The following NARS2 variants were observed in gnomAD, a reference collection of about 807,000 sequenced individuals.
NARS2 encodes the protein asparaginyl-tRNA synthetase.
A neutral mutation model predicts 62.9 loss-of-function variants in NARS2; 60 were observed. The ratio of observed to expected loss-of-function variants is 0.95; its 90% confidence interval spans 0.77 to 1.18. The LOEUF is 1.18. NARS2 is among the 50% of genes most tolerant of loss of function. The pLI, the probability that NARS2 is intolerant of heterozygous loss-of-function variation, is 0.00. For missense variants in NARS2, 619 were observed against 576.4 expected (o/e 1.07, Z -0.76); for synonymous variants, 196 against 200.0 (o/e 0.98, Z 0.17).
intron 6 of NARS2, among the ~76,000 whole-genome samples, chr11:78,517,546 ATT>A (rs2135402518): frequency 6.6e-6 from 1 of 152,064 alleles, no homozygotes; most frequent in African/African-American, 2.4e-5. Context: ...ATGTTCAACC[ATT>A]TTTTCCATTA....
chr11:78,505,231 G>A (rs1860441678), intron 6 of NARS2, among the ~76,000 whole-genome samples: 1 of 148,594 alleles, frequency 6.7e-6, no homozygotes, highest in Non-Finnish European at 1.5e-5. Context: ...ACCAGCCTGG[G>A]CAACATAATG....
chr11:78,514,750 G>T (rs543853464), intron 6 of NARS2, among the ~76,000 whole-genome samples: 1 of 152,290 alleles, frequency 6.6e-6, no homozygotes, highest in South Asian at 2.1e-4. Context: ...CTAGAAACGG[G>T]TAGAGAATCC....
At chr11:78,443,985 T>TTTTC (rs1403694844) in intron 11 of NARS2, 1 of 293,780 alleles carries the variant, frequency 3.4e-6, no homozygotes, top group African/African-American at 2.1e-5. Flanking sequence ...GAAATGTTAA[T>TTTTC]TATAAAAATG....
chr11:78,503,998 G>A (rs942757695), intron 6 of NARS2, among the ~76,000 whole-genome samples: 1 of 152,110 alleles, frequency 6.6e-6, no homozygotes, highest in Admixed American at 6.5e-5. Context: ...TATTTGAACC[G>A]TTATCTCCAA....
At position 78,493,045 on chromosome 11, in the gene NARS2, T is replaced by A. The variant is rs778049523; in HGVS notation, c.822+18A>T. ...TTAATGTCACAGATACCTGGTATTT[T>A]AAAACTTGTGTACCTACCTGCATAA... On this transcript the variant is annotated intron_variant, in intron 7 of 13. Coordinates refer to ENST00000281038, the MANE Select transcript of NARS2 (RefSeq NM_024678.6). 3 of 1,585,056 alleles carry A rather than the reference T, an allele frequency of 1.9e-6. No individual in the cohort carries two copies. Among genetic ancestry groups the A allele is most frequent in the Middle Eastern group, 1.7e-4 (1 of 5,968 alleles).
chr11:78,471,530 CTTT>C (rs931115290), intron 9 of NARS2, among the ~76,000 whole-genome samples: 3 of 147,964 alleles, frequency 2.0e-5, no homozygotes, highest in African/African-American at 7.4e-5. Flanking sequence ...CTTTTTTTTT[CTTT>C]TTTTTCTTTT....
intron 6 of NARS2, among the ~76,000 whole-genome samples, chr11:78,523,448 A>G (rs1163602782): frequency 6.6e-6 from 1 of 152,224 alleles, no homozygotes; most frequent in East Asian, 1.9e-4. Flanking sequence ...TGCATGACCC[A>G]TTAATTTCGC....
chr11:78,458,293 TAGAAAGTAGGAAG>T (rs2135185938), intron 11 of NARS2, among the ~76,000 whole-genome samples: 1 of 152,318 alleles, frequency 6.6e-6, no homozygotes, highest in East Asian at 1.9e-4. Context: ...TATTAAAATT[TAGAAAGTAGGAAG>T]AGACAACTTC....
intron 11 of NARS2, among the ~76,000 whole-genome samples, chr11:78,446,709 T>G (rs1055757068): frequency 6.6e-6 from 1 of 152,036 alleles, no homozygotes; most frequent in Non-Finnish European, 1.5e-5. Flanking sequence ...GATTAAAGAT[T>G]TAAATATAAG....
intron 5 of NARS2, among the ~76,000 whole-genome samples, chr11:78,545,016 A>T (rs1855802135): frequency 6.6e-6 from 1 of 152,096 alleles, no homozygotes; most frequent in Admixed American, 6.5e-5. Context: ...CACCTGTTTA[A>T]GTCCTAATTT....
intron 5 of NARS2, among the ~76,000 whole-genome samples, chr11:78,544,512 G>A (rs1011877631): frequency 6.6e-6 from 1 of 152,174 alleles, no homozygotes; most frequent in East Asian, 1.9e-4. Context: ...ATGAGTTACC[G>A]GCTGAGCGCA....
chr11:78,493,984 A>G (rs1731789693), intron 6 of NARS2, among the ~76,000 whole-genome samples: 1 of 152,224 alleles, frequency 6.6e-6, no homozygotes, highest in South Asian at 2.1e-4. Context: ...AGAACGTCAG[A>G]TACATATTGC....
chr11:78,502,050 A>T (rs1860299481), intron 6 of NARS2, among the ~76,000 whole-genome samples: 1 of 152,260 alleles, frequency 6.6e-6, no homozygotes, highest in Non-Finnish European at 1.5e-5. Context: ...CACTAGGCTA[A>T]GTGAAAGAAG....
chr11:78,476,564 T>C (rs1214107511), intron 9 of NARS2, among the ~76,000 whole-genome samples: 1 of 152,190 alleles, frequency 6.6e-6, no homozygotes, highest in Admixed American at 6.5e-5. Context: ...ATTTTGGGAT[T>C]TTCAAAAAGG....
intron 10 of NARS2, 44 bp downstream of exon 10, chr11:78,469,203 A>C (rs1223502217): frequency 7.7e-7 from 1 of 1,296,450 alleles, no homozygotes; most frequent in Non-Finnish European, 1.1e-6. Flanking sequence ...GACAAGAAGG[A>C]AGCATTTTCA....
intron 5 of NARS2, among the ~76,000 whole-genome samples, chr11:78,535,725 G>T (rs1855308445): frequency 6.6e-6 from 1 of 151,616 alleles, no homozygotes; most frequent in African/African-American, 2.4e-5. Flanking sequence ...TGCCCCGCCA[G>T]GTTCAAGTGA....
At position 78,574,383 on chromosome 11, in the gene NARS2, C is replaced by T. The variant is rs1186233834; in HGVS notation, c.106G>A (p.Ala36Thr). 4 of 1,614,122 alleles carry T rather than the reference C, an allele frequency of 2.5e-6. No homozygotes were observed. The highest frequency in any genetic ancestry group is 3.4e-6 in the Non-Finnish European group (4 of 1,180,052). ...AKLSVRDALG[A>T]QNASGERIKI... ...ATGCGCTCCCCACTCGCGTTCTGAGCCCCGAGAGCGTCCCGCACGCTCAGT... is the reference window on the plus strand; with the variant it reads ...ATGCGCTCCCCACTCGCGTTCTGAGTCCCGAGAGCGTCCCGCACGCTCAGT... The change falls in exon 1 of 14, where the codon GCT becomes ACT. Residue 36 changes from alanine (A) to threonine (T), a missense_variant. Physicochemically the swap from Ala to Thr is moderately conservative, Grantham distance 58 (BLOSUM62 0). Transcript: ENST00000281038.
intron 4 of NARS2, among the ~76,000 whole-genome samples, chr11:78,565,517 G>A (rs1268711879): frequency 6.6e-6 from 1 of 152,160 alleles, no homozygotes; most frequent in South Asian, 2.1e-4. Flanking sequence ...GTAAGGTAGA[G>A]CCCAGCAGAC....
At chr11:78,481,116 T>C (rs1277513786) in intron 7 of NARS2, among the ~76,000 whole-genome samples, 1 of 151,214 alleles carries the variant, frequency 6.6e-6, no homozygotes, top group Non-Finnish European at 1.5e-5. Flanking sequence ...CCACCACACC[T>C]GGCCTAACTT....
Sources: gnomAD v4.1 joint callset for allele counts (sites outside exome capture counted in the v4.1 genomes callset) on GRCh38, gnomAD v4.1.1 for gene constraint, MANE v1.5 for transcripts, NCBI Gene and HGNC (gene_info 2026-07-23, HGNC 2026-07-21) for gene names.